The following ATP8A2 variants were observed in gnomAD, a reference collection of about 807,000 sequenced individuals.
The protein encoded by ATP8A2 is phospholipid-transporting ATPase IB.
Under a neutral mutation model 165.6 loss-of-function variants are expected in ATP8A2, and 100 were observed. The ratio of observed to expected loss-of-function variants is 0.60; its 90% confidence interval spans 0.51 to 0.71. ATP8A2 has a LOEUF of 0.71. ATP8A2 is among the 30% of genes least tolerant of loss of function. The probability of loss-of-function intolerance (pLI) is 0.00; values close to 1 mark genes in which losing one functional copy is unlikely to be tolerated. For synonymous variants in ATP8A2, 543 were observed against 548.8 expected (o/e 0.99, Z 0.15); for missense variants, 1,227 against 1,479.5 (o/e 0.83, Z 2.80).
intron 33 of ATP8A2, among the ~76,000 whole-genome samples, chr13:25,869,287 C>A (rs1264455279): frequency 2.0e-5 from 3 of 151,638 alleles, no homozygotes; most frequent in African/African-American, 7.3e-5. Context: ...TCTCCTCCTG[C>A]TTAAAAACAA....
At chr13:25,577,579 G>A (rs1427610873) in intron 20 of ATP8A2, among the ~76,000 whole-genome samples, 1 of 151,976 alleles carries the variant, frequency 6.6e-6, no homozygotes, top group African/African-American at 2.4e-5. Flanking sequence ...CGTGTTTTAG[G>A]TACAAAGGCA....
intron 1 of ATP8A2, among the ~76,000 whole-genome samples, chr13:25,390,459 A>G (rs966469629): frequency 6.6e-6 from 1 of 151,822 alleles, no homozygotes; most frequent in Non-Finnish European, 1.5e-5. Flanking sequence ...ATTTTCCATC[A>G]CCCCTAAAGT....
intron 33 of ATP8A2, among the ~76,000 whole-genome samples, chr13:25,940,479 G>T (rs1041401918): frequency 6.6e-6 from 1 of 152,130 alleles, no homozygotes; most frequent in African/African-American, 2.4e-5. Flanking sequence ...CGTCCTCTGG[G>T]CAGGCCCCAC....
chr13:25,887,400 G>A (rs998852913), intron 33 of ATP8A2, among the ~76,000 whole-genome samples: 20 of 151,666 alleles, frequency 1.3e-4, no homozygotes, highest in Admixed American at 6.6e-4. Flanking sequence ...GTGCAGTGGC[G>A]CGATCTTGGC....
chr13:25,554,605 C>T (rs12866206), intron 12 of ATP8A2, among the ~76,000 whole-genome samples: 79,925 of 150,736 alleles, frequency 0.53, 22,095 homozygotes, highest in Middle Eastern at 0.59. Context: ...GTCACCCAGG[C>T]TGGAGTAAAG....
At chr13:25,518,644 A>G (rs541002502) in intron 2 of ATP8A2, among the ~76,000 whole-genome samples, 2 of 152,138 alleles carry the variant, frequency 1.3e-5, no homozygotes, top group Admixed American at 6.5e-5. Flanking sequence ...GTCAACTTCA[A>G]TTTTTCTCGT....
intron 28 of ATP8A2, among the ~76,000 whole-genome samples, chr13:25,831,131 C>T (rs1290375113): frequency 6.6e-6 from 1 of 152,034 alleles, no homozygotes; most frequent in Non-Finnish European, 1.5e-5. Flanking sequence ...CAGTATTTCT[C>T]TCCTGCTTTT....
At position 25,837,137 on chromosome 13, in the gene ATP8A2, TTAATGGC is replaced by T. The variant is rs773141235; in HGVS notation, c.2755-24_2755-18del. 3.7e-6 allele frequency: 6 copies of T among 1,610,566 alleles called. No individual in the cohort carries two copies. Among genetic ancestry groups the T allele is most frequent in the Non-Finnish European group, 4.2e-6 (5 of 1,178,092 alleles). On this transcript the variant is annotated intron_variant, in intron 28 of 36. Coordinates refer to ENST00000381655, the MANE Select transcript of ATP8A2 (RefSeq NM_016529.6). ...GCCGTGTGGATCCGAAGGGCTGCTT[TTAATGGC>T]TCATTGTTCTCCCTGCAGATTTTCA...
intron 33 of ATP8A2, among the ~76,000 whole-genome samples, chr13:25,955,234 C>T (rs1181832509): frequency 1.3e-5 from 2 of 152,006 alleles, no homozygotes; most frequent in Admixed American, 6.5e-5. Flanking sequence ...CAAGAGCAAA[C>T]AAATTCAAAT....
intron 2 of ATP8A2, among the ~76,000 whole-genome samples, chr13:25,496,471 G>GA (rs2036683025): frequency 6.6e-6 from 1 of 151,978 alleles, no homozygotes; most frequent in Admixed American, 6.6e-5. Context: ...TAGGAAATCT[G>GA]AAAAAAATAA....
chr13:25,661,419 T>C (rs998492707), intron 24 of ATP8A2, among the ~76,000 whole-genome samples: 14 of 152,250 alleles, frequency 9.2e-5, no homozygotes, highest in East Asian at 3.8e-4. Context: ...GGTGTTTTCA[T>C]TGTGGTAGAG....
intron 2 of ATP8A2, among the ~76,000 whole-genome samples, chr13:25,509,809 C>G (rs988707206): frequency 6.6e-6 from 1 of 152,198 alleles, no homozygotes; most frequent in Admixed American, 6.5e-5. Context: ...AATACCAGTA[C>G]ATTGTGTTTT....
chr13:25,557,244 T>C (rs61948628), intron 13 of ATP8A2, among the ~76,000 whole-genome samples: 6,668 of 152,324 alleles, frequency 0.044, 169 homozygotes, highest in Non-Finnish European at 0.051. Flanking sequence ...TTACAGAGAA[T>C]GTCCTTGGCA....
chr13:25,547,315 A>C (rs1037748651), intron 10 of ATP8A2, among the ~76,000 whole-genome samples: 1 of 151,856 alleles, frequency 6.6e-6, no homozygotes, highest in Non-Finnish European at 1.5e-5. Flanking sequence ...AAGCTAGTGA[A>C]GCTTCATCTG....
chr13:25,643,041 C>T (rs1019681305), intron 24 of ATP8A2, among the ~76,000 whole-genome samples: 13 of 151,936 alleles, frequency 8.6e-5, no homozygotes, highest in African/African-American at 3.1e-4. Flanking sequence ...GGAAGGGGAA[C>T]ATCATACATC....
intron 33 of ATP8A2, among the ~76,000 whole-genome samples, chr13:25,949,144 TAGTGCAGCCAGC>T (rs1955283298): frequency 6.6e-6 from 1 of 152,188 alleles, no homozygotes; most frequent in Non-Finnish European, 1.5e-5. Flanking sequence ...TGTGTTCAGG[TAGTGCAGCCAGC>T]AGTGAGTGAA....
rs1487718951 is a variant in ATP8A2 at position 25,953,811 on chromosome 13, G to T, written c.3184-7764G>T. ...GAGGGACTGTGCTGTAAGGAACCAT[G>T]CATTCCGTCCCAGATACTATGCTTT... On this transcript the variant is annotated intron_variant, in intron 33 of 36. Coordinates refer to ENST00000381655, the MANE Select transcript of ATP8A2 (RefSeq NM_016529.6). This position sits in a 1 kb window ranked among gnomAD's most constrained non-coding sequence, Gnocchi z 6.7. Among the ~76,000 whole-genome samples, 2 of 152,188 alleles carry T rather than the reference G, an allele frequency of 1.3e-5. No individual in the cohort carries two copies. The highest frequency in any genetic ancestry group is 2.9e-5 in the Non-Finnish European group (2 of 68,032).
chr13:25,870,780 G>A (rs772447603), intron 33 of ATP8A2, among the ~76,000 whole-genome samples: 3 of 152,086 alleles, frequency 2.0e-5, no homozygotes, highest in Non-Finnish European at 4.4e-5. Context: ...TCTCCTTAAC[G>A]TTTTGCTTTT....
chr13:25,404,189 G>C (rs1316722099), intron 1 of ATP8A2, among the ~76,000 whole-genome samples: 2 of 152,140 alleles, frequency 1.3e-5, no homozygotes, highest in African/African-American at 4.8e-5. Context: ...GCTTCCTGAG[G>C]GGAGTGGTCT....
Sources: gnomAD v4.1 joint callset for allele counts (sites outside exome capture counted in the v4.1 genomes callset) on GRCh38, gnomAD v4.1.1 for gene constraint, Gnocchi (gnomAD v3.1) non-coding constraint, MANE v1.5 for transcripts, NCBI Gene and HGNC (gene_info 2026-07-23, HGNC 2026-07-21) for gene names.